The following CD247 variants were observed in gnomAD, a reference collection of about 807,000 sequenced individuals.
The protein encoded by CD247 is T-cell surface glycoprotein CD3 zeta chain.
CD247 carries 13 observed loss-of-function variants against 30.0 expected under a neutral mutation model. The ratio of observed to expected loss-of-function variants is 0.43; its 90% confidence interval spans 0.28 to 0.69. The LOEUF is 0.69. Among genes scored for constraint, CD247 ranks in the 30% least tolerant of loss-of-function variants. CD247 has a pLI of 0.16. For missense variants in CD247, 193 were observed against 212.6 expected (o/e 0.91, Z 0.57); for synonymous variants, 72 against 80.0 (o/e 0.90, Z 0.53).
chr1:167,454,122 G>A (rs1652509494), intron 1 of CD247, among the ~76,000 whole-genome samples: 1 of 152,120 alleles, frequency 6.6e-6, no homozygotes, highest in Non-Finnish European at 1.5e-5. Flanking sequence ...GCTGATGATT[G>A]TACAATAATG....
At chr1:167,459,717 G>T (rs1218711714) in intron 1 of CD247, 1 of 152,170 alleles carries the variant, frequency 6.6e-6, no homozygotes, top group Non-Finnish European at 1.5e-5. Flanking sequence ...TCCTGAAATG[G>T]TGTGTGAAGG....
chr1:167,441,487 T>C (rs371480993), intron 1 of CD247, among the ~76,000 whole-genome samples: 61 of 152,140 alleles, frequency 4.0e-4, no homozygotes, highest in African/African-American at 1.4e-3. Context: ...TCTCCCCTCC[T>C]CCCACTACAC....
chr1:167,450,638 C>T (rs929079330), intron 1 of CD247, among the ~76,000 whole-genome samples: 1 of 152,146 alleles, frequency 6.6e-6, no homozygotes, highest in African/African-American at 2.4e-5. Context: ...AAAAGACATA[C>T]TGGGAGCAGT....
In CD247 at chr1:167,431,701, G is replaced by A; in HGVS notation, c.475C>T (p.Gln159Ter). ...TKDTYDALHM[Q>*]ALPPR ...GGCTGTTAGCGAGGGGGCAGGGCCTGCATGTGAAGGGCGTCGTAGGTGTCC... is the reference window on the plus strand; with the variant it reads ...GGCTGTTAGCGAGGGGGCAGGGCCTACATGTGAAGGGCGTCGTAGGTGTCC... The change falls in exon 8 of 8, where the codon CAG becomes TAG. Residue 159 changes from glutamine (Q) to a stop codon, truncating the protein, a stop_gained. Transcript: ENST00000362089. LOFTEE classifies it high-confidence loss of function. 2 of 1,614,148 alleles carry A rather than the reference G, an allele frequency of 1.2e-6. No individual in the cohort carries two copies. The highest frequency in any genetic ancestry group is 1.7e-6 in the Non-Finnish European group (2 of 1,179,958).
rs182102100 is a variant in CD247 at position 167,486,561 on chromosome 1, G to A, written c.58+31847C>T. 8.7e-4 allele frequency among the ~76,000 whole-genome samples: 133 copies of A among 152,366 alleles called. 1 individual carries two copies. In the Middle Eastern group the frequency reaches 0.017, roughly 19 times the overall value. ...GGTCCAGGGCCCGCCTCGAGTTTGCGGATAGCATGATTTGGCAGGCATGCC... is the reference window on the plus strand; with the variant it reads ...GGTCCAGGGCCCGCCTCGAGTTTGCAGATAGCATGATTTGGCAGGCATGCC... On this transcript the variant is annotated intron_variant, in intron 1 of 7. Transcript: ENST00000362089.
At chr1:167,463,081 C>T (rs74121917) in intron 1 of CD247, among the ~76,000 whole-genome samples, 2,724 of 152,234 alleles carry the variant, frequency 0.018, 76 homozygotes, top group African/African-American at 0.061. Flanking sequence ...GGGCAGTCGC[C>T]GGGCCATCCC....
chr1:167,486,351 G>A (rs1654207600), intron 1 of CD247, among the ~76,000 whole-genome samples: 1 of 152,232 alleles, frequency 6.6e-6, no homozygotes, highest in Admixed American at 6.5e-5. Context: ...CGGGACATGA[G>A]CAGGTCACTT....
chr1:167,475,980 TGGTA>T (rs1416751030), intron 1 of CD247, among the ~76,000 whole-genome samples: 1 of 152,166 alleles, frequency 6.6e-6, no homozygotes, highest in African/African-American at 2.4e-5. Flanking sequence ...GGAGGGATAA[TGGTA>T]GTATAGTATA....
intron 1 of CD247, among the ~76,000 whole-genome samples, chr1:167,459,169 T>C (rs1652873552): frequency 6.6e-6 from 1 of 151,330 alleles, no homozygotes; most frequent in Non-Finnish European, 1.5e-5. Flanking sequence ...ATGGGGAGAA[T>C]TTATTGTTAA....
intron 1 of CD247, among the ~76,000 whole-genome samples, chr1:167,504,999 A>T (rs1406901398): frequency 1.3e-5 from 2 of 152,176 alleles, no homozygotes; most frequent in Non-Finnish European, 2.9e-5. Flanking sequence ...CACAATACCA[A>T]ATAACTCACG....
rs3738212 is a variant in CD247 at position 167,431,062 on chromosome 1, G to C, written c.*619C>G. 0.023 allele frequency: 9,725 copies of C among 424,314 alleles called. 371 individuals carry two copies. The highest frequency in any genetic ancestry group is 0.12 in the East Asian group (3,512 of 29,986). The allele number at this position is 424,314 out of a possible 1,614,324, so 26.3% of individuals were successfully genotyped here. On this transcript the variant is annotated 3_prime_UTR_variant, in exon 8 of 8. Transcript: ENST00000362089. ...TGGTGCGGCACAGAGGCCTGAGGCA[G>C]GGAGGCTCCCGCTGCCCTCGCAGGC...
chr1:167,473,772 T>C (rs1335371151), intron 1 of CD247, among the ~76,000 whole-genome samples: 1 of 152,226 alleles, frequency 6.6e-6, no homozygotes, highest in Non-Finnish European at 1.5e-5. Context: ...GAGCTCTCAC[T>C]GTGAAGGGGA....
At chr1:167,477,270 G>C (rs1253480474) in intron 1 of CD247, among the ~76,000 whole-genome samples, 1 of 152,170 alleles carries the variant, frequency 6.6e-6, no homozygotes, top group Non-Finnish European at 1.5e-5. Context: ...GCAAAAGGGA[G>C]GAAGACGTTA....
At chr1:167,477,910 G>A (rs1653817178) in intron 1 of CD247, among the ~76,000 whole-genome samples, 2 of 152,202 alleles carry the variant, frequency 1.3e-5, no homozygotes, top group Admixed American at 1.3e-4. Context: ...GTGCTGATGG[G>A]GCAGTTGCTG....
intron 1 of CD247, among the ~76,000 whole-genome samples, chr1:167,446,087 G>A (rs768524619): frequency 2.4e-4 from 36 of 152,038 alleles, no homozygotes; most frequent in Admixed American, 3.9e-4. Context: ...GGAATTCCTG[G>A]GTCTCCTGAC....
At chr1:167,486,649 C>T (rs1476900543) in intron 1 of CD247, among the ~76,000 whole-genome samples, 3 of 152,234 alleles carry the variant, frequency 2.0e-5, no homozygotes, top group Admixed American at 2.0e-4. Flanking sequence ...CACATCCTTT[C>T]ACTCTGGCTT....
chr1:167,479,506 C>T (rs1653882638), intron 1 of CD247, among the ~76,000 whole-genome samples: 1 of 152,188 alleles, frequency 6.6e-6, no homozygotes. Context: ...CCTCCATCTG[C>T]CACACACTAC....
intron 1 of CD247, among the ~76,000 whole-genome samples, chr1:167,505,635 A>G (rs929228833): frequency 4.6e-5 from 7 of 152,278 alleles, no homozygotes; most frequent in Non-Finnish European, 1.0e-4. Context: ...CTATGGCACA[A>G]CAGGGCAAAA....
chr1:167,438,106 C>T (rs917719905), intron 4 of CD247, among the ~76,000 whole-genome samples: 2 of 152,098 alleles, frequency 1.3e-5, no homozygotes, highest in African/African-American at 4.8e-5. Flanking sequence ...GTGGTGTCAT[C>T]CAGCTGCTCC....
Sources: gnomAD v4.1 joint callset for allele counts (sites outside exome capture counted in the v4.1 genomes callset) on GRCh38, gnomAD v4.1.1 for gene constraint, MANE v1.5 for transcripts, NCBI Gene and HGNC (gene_info 2026-07-23, HGNC 2026-07-21) for gene names.